CIBAR1: variants seen among roughly 807,000 people sequenced by gnomAD.
The protein encoded by CIBAR1 is CBY1-interacting BAR domain-containing protein 1.
A neutral mutation model predicts 44.0 loss-of-function variants in CIBAR1; 25 were observed. The observed-to-expected ratio is 0.57, with a 90% confidence interval of 0.41 to 0.79. The LOEUF (loss-of-function observed/expected upper bound fraction) is 0.79. Ranked by LOEUF, CIBAR1 falls within the 30% of genes least tolerant of loss-of-function variation. The probability of loss-of-function intolerance (pLI) is 0.00; values close to 1 mark genes in which losing one functional copy is unlikely to be tolerated. For synonymous variants in CIBAR1, 115 were observed against 119.0 expected (o/e 0.97, Z 0.22); for missense variants, 278 against 344.8 (o/e 0.81, Z 1.53).
chr8:93,710,967 A>G (rs188194597), intron 6 of CIBAR1, among the ~76,000 whole-genome samples: 176 of 152,326 alleles, frequency 1.2e-3, no homozygotes, highest in African/African-American at 3.9e-3. Flanking sequence ...TAATTTTTAT[A>G]GCTTAATATT....
chr8:93,713,443 G>T (rs1285489204), intron 6 of CIBAR1, among the ~76,000 whole-genome samples: 1 of 152,046 alleles, frequency 6.6e-6, no homozygotes, highest in African/African-American at 2.4e-5. Flanking sequence ...CCATTCTGTG[G>T]GTTGCCTTGT....
Position 93,724,706 on chromosome 8 carries a change from A to G in CIBAR1, c.658-1688A>G, listed in dbSNP as rs931284942. ...AGCTACACGGTTCAGTAAAGTAGCC[A>G]TTAGGCATATATAACTATTTAAAGT... On this transcript the variant is annotated intron_variant, in intron 7 of 8. Transcript: ENST00000518322. 9 of 1,108,596 alleles carry G rather than the reference A, an allele frequency of 8.1e-6. No homozygotes were observed. The African/African-American group carries it at 1.5e-4, about 19-fold the overall frequency. The allele number at this position is 1,108,596 out of a possible 1,614,324, so 68.7% of individuals were successfully genotyped here.
At chr8:93,726,191 C>T (rs1811488256) in intron 7 of CIBAR1, 2 of 470,532 alleles carry the variant, frequency 4.3e-6, no homozygotes, top group South Asian at 4.6e-5. Flanking sequence ...CTGTCATCAT[C>T]TTACATAGTT....
In CIBAR1 at chr8:93,728,283, A is replaced by ATTC. The variant is rs372759708; in HGVS notation, c.856_857insTTC (p.Asn286delinsIleHis). 8.4e-5 allele frequency: 133 copies of ATTC among 1,583,082 alleles called. No individual in the cohort carries two copies. The African/African-American group carries it at 1.3e-3, about 16-fold the overall frequency. The stretch of plus-strand genomic sequence containing the variant: ...CGAGTTAGATGTTACAGAAGAAGAA[A>ATTC]ATTTTCTTAAGTAAACTACACATTT... On this transcript the variant is annotated protein_altering_variant, in exon 9 of 9. Transcript: ENST00000518322.
In CIBAR1 at chr8:93,731,273, G is replaced by A. The variant is rs1338349569; in HGVS notation, c.*2976G>A. 3.9e-5 allele frequency: 6 copies of A among 152,116 alleles called. No individual in the cohort carries two copies. The East Asian group carries it at 5.8e-4, about 15-fold the overall frequency. The allele number at this position is 152,116 out of a possible 1,614,324, so 9.4% of individuals were successfully genotyped here. Reference sequence around the variant, plus strand: ...AATTCCACAGTAAGTAATCCCTCACGTTAAGCTTCATCTTAGCTTTATTCC... The same window carrying A: ...AATTCCACAGTAAGTAATCCCTCACATTAAGCTTCATCTTAGCTTTATTCC... On this transcript the variant is annotated 3_prime_UTR_variant, in exon 9 of 9. Transcript: ENST00000518322.
At chr8:93,722,469 C>T (rs1811302286) in intron 7 of CIBAR1, among the ~76,000 whole-genome samples, 1 of 152,080 alleles carries the variant, frequency 6.6e-6, no homozygotes, top group Non-Finnish European at 1.5e-5. Context: ...GAGGCCGAGG[C>T]AGGCGGATCA....
At chr8:93,703,736 A>T in intron 3 of CIBAR1, 48 bp downstream of exon 3, 1 of 1,451,404 alleles carries the variant, frequency 6.9e-7, no homozygotes, top group Non-Finnish European at 9.3e-7. Flanking sequence ...TCTGGCAAAG[A>T]CTATGAGGTT....
At chr8:93,713,765 C>A (rs1034841205) in intron 6 of CIBAR1, among the ~76,000 whole-genome samples, 18 of 152,198 alleles carry the variant, frequency 1.2e-4, no homozygotes, top group African/African-American at 4.3e-4. Context: ...ATGGTCTTGG[C>A]ATCTTTGTTG....
Position 93,701,327 on chromosome 8 carries a change from C to G in CIBAR1, c.130C>G (p.Leu44Val). 4 of 1,613,816 alleles carry G rather than the reference C, an allele frequency of 2.5e-6. No homozygotes were observed. Among genetic ancestry groups the G allele is most frequent in the Non-Finnish European group, 3.4e-6 (4 of 1,179,836 alleles). The change falls in exon 2 of 9, where the codon CTG becomes GTG. Residue 44 changes from leucine (L) to valine (V), a missense_variant. Leu to Val is a conservative substitution (Grantham distance 32). This residue lies in a region of CIBAR1 where 183 missense variants were observed against 218.6 expected (regional missense o/e 0.84). Coordinates refer to ENST00000518322, the MANE Select transcript of CIBAR1 (RefSeq NM_145269.5). Reference protein sequence around the residue: ...FAAYVRKTARLRDKADLLVNE... With the variant: ...FAAYVRKTARVRDKADLLVNE... ...TGCCTATGTGCGGAAAACTGCCAGG[C>G]TGAGAGACAAAGCAGACCTCCTGGT...
chr8:93,701,058 G>C, intron 1 of CIBAR1, 166 bp from the exon 2 acceptor site: 1 of 1,467,400 alleles, frequency 6.8e-7, no homozygotes, highest in South Asian at 1.4e-5. Context: ...GGATAGTGAG[G>C]TCAGGACCCC....
chr8:93,701,173 C>T (rs1300703530), intron 1 of CIBAR1, 51 bp from the exon 2 acceptor site: 4 of 1,569,860 alleles, frequency 2.5e-6, no homozygotes, highest in Non-Finnish European at 3.5e-6. Flanking sequence ...AACGTGAAGC[C>T]TTCTCATCTC....
At chr8:93,713,111 C>A (rs1456465950) in intron 6 of CIBAR1, among the ~76,000 whole-genome samples, 4 of 147,570 alleles carry the variant, frequency 2.7e-5, no homozygotes, top group Non-Finnish European at 5.9e-5. Context: ...CGGCTCACTG[C>A]AACCTCCACC....
At chr8:93,714,628 G>A (rs963607653) in intron 6 of CIBAR1, among the ~76,000 whole-genome samples, 2 of 151,966 alleles carry the variant, frequency 1.3e-5, no homozygotes, top group African/African-American at 4.8e-5. Context: ...CAGTCAATAA[G>A]GGTTACATTA....
intron 6 of CIBAR1, among the ~76,000 whole-genome samples, chr8:93,713,062 T>G (rs1239756833): frequency 7.2e-6 from 1 of 139,232 alleles, no homozygotes; most frequent in African/African-American, 2.7e-5. Flanking sequence ...AGACAGATTC[T>G]CGCTCTGTCG....
chr8:93,730,739 T>A lies in CIBAR1; in HGVS notation c.*2442T>A, dbSNP rs1811758615. 1 of 152,210 alleles carries A rather than the reference T, an allele frequency of 6.6e-6. No individual in the cohort carries two copies. Among genetic ancestry groups the A allele is most frequent in the African/African-American group, 2.4e-5 (1 of 41,448 alleles). 9.4% of individuals were successfully genotyped at this position (152,210 alleles called of 1,614,324 possible). A position where few individuals can be genotyped will look rare whatever the true frequency, so the allele number is the denominator to read the frequency against. The stretch of plus-strand genomic sequence containing the variant: ...CTAAAGGCAGAGTTGGAGAGAGATG[T>A]GCAAAGATGGCTCCCAACTAGAAGA... On this transcript the variant is annotated 3_prime_UTR_variant, in exon 9 of 9. Coordinates refer to ENST00000518322, the MANE Select transcript of CIBAR1 (RefSeq NM_145269.5).
At chr8:93,701,625 C>G (rs1810362702) in intron 2 of CIBAR1, 167 bp downstream of exon 2, 1 of 648,878 alleles carries the variant, frequency 1.5e-6, no homozygotes, top group East Asian at 2.8e-5. Flanking sequence ...GAGAAGCGTT[C>G]TGTGTTTTAT....
rs1242461149 is a variant in CIBAR1 at position 93,708,017 on chromosome 8, G to A, written c.438+1G>A. The A allele has an allele frequency of 1.3e-6, 2 of 1,567,572 alleles. No individual in the cohort carries two copies. The highest frequency in any genetic ancestry group is 1.2e-5 in the South Asian group (1 of 85,302). On this transcript the variant is annotated splice_donor_variant, in intron 5 of 8. Transcript: ENST00000518322. LOFTEE classifies it high-confidence loss of function. ...CCTTTATGAAAAATTTCAGTCACAG[G>A]TGGGTAATAAAGTGGTGTGTCAAGA...
intron 6 of CIBAR1, among the ~76,000 whole-genome samples, chr8:93,713,023 C>T (rs1391081402): frequency 2.9e-5 from 1 of 34,896 alleles, no homozygotes; most frequent in African/African-American, 1.5e-4. Flanking sequence ...CTTTTTTTCT[C>T]CTTTTTTTTC....
chr8:93,701,161 T>C, intron 1 of CIBAR1, 63 bp from the exon 2 acceptor site: 5 of 1,551,428 alleles, frequency 3.2e-6, no homozygotes, highest in Non-Finnish European at 4.4e-6. Context: ...GCATGTTAAA[T>C]TAACGTGAAG....
Sources: gnomAD v4.1 joint callset for allele counts (sites outside exome capture counted in the v4.1 genomes callset) on GRCh38, gnomAD v4.1.1 for gene constraint, gnomAD v4.1.1 regional missense constraint, MANE v1.5 for transcripts, NCBI Gene and HGNC (gene_info 2026-07-23, HGNC 2026-07-21) for gene names.